The following PCDHGA8 variants were observed in gnomAD, a reference collection of about 807,000 sequenced individuals.
The protein encoded by PCDHGA8 is protocadherin gamma-A8.
Under a neutral mutation model 59.2 loss-of-function variants are expected in PCDHGA8, and 45 were observed. The ratio of observed to expected loss-of-function variants is 0.76; its 90% CI spans 0.60 to 0.98. The LOEUF is 0.98. Among genes scored for constraint, PCDHGA8 ranks in the 50% least tolerant of loss-of-function variants. The pLI is 0.00. For synonymous variants in PCDHGA8, 531 were observed against 519.0 expected (o/e 1.02, Z -0.32); for missense variants, 1,257 against 1,196.2 (o/e 1.05, Z -0.75).
In PCDHGA8 at chr5:141,400,505, C is replaced by T. The variant is rs759107285; in HGVS notation, c.2424+5268C>T. The stretch of plus-strand genomic sequence containing the variant: ...TTTCCACTTTGTAATTCCAGCGAGT[C>T]GACTTCCCATCCTGAGTTGGTGAGT... On this transcript the variant is annotated intron_variant, in intron 1 of 3. Transcript: ENST00000398604. 9 of 1,613,816 alleles carry T rather than the reference C, an allele frequency of 5.6e-6. No homozygotes were observed. In the African/African-American group the frequency reaches 6.7e-5, roughly 12 times the overall value.
chr5:141,507,578 C>T (rs1268451710), intron 3 of PCDHGA8, among the ~76,000 whole-genome samples: 1 of 152,220 alleles, frequency 6.6e-6, no homozygotes, highest in East Asian at 1.9e-4. Context: ...GAGGAGATGC[C>T]AAGTTGGCCT....
intron 2 of PCDHGA8, among the ~76,000 whole-genome samples, chr5:141,500,184 T>TTTTTTTTA (rs1554186429): frequency 7.8e-4 from 106 of 135,966 alleles, no homozygotes; most frequent in African/African-American, 2.4e-3. Context: ...TCATTTTTAT[T>TTTTTTTTA]TTTATTTATT....
At chr5:141,403,579 C>T in intron 1 of PCDHGA8, 2 of 1,613,926 alleles carry the variant, frequency 1.2e-6, no homozygotes, top group South Asian at 1.1e-5. Flanking sequence ...CTGCCCACCA[C>T]CTGGTCCTCA....
rs748605515 is a variant in PCDHGA8 at position 141,486,688 on chromosome 5, C to T, written c.2425-8119C>T. ...CCAGGAATCGAGATGTATCAGCTTC[C>T]TCTTTCATCTCTCTGAACCCCCAGA... On this transcript the variant is annotated intron_variant, in intron 1 of 3. Transcript: ENST00000398604. The surrounding 1 kb of genome is among the most constrained non-coding windows in gnomAD (Gnocchi z 5.0). 2 of 1,614,170 alleles carry T rather than the reference C, an allele frequency of 1.2e-6. No individual in the cohort carries two copies. The highest frequency in any genetic ancestry group is 1.1e-5 in the South Asian group (1 of 91,086).
intron 1 of PCDHGA8, chr5:141,398,277 C>T: frequency 1.4e-6 from 2 of 1,407,866 alleles, no homozygotes; most frequent in Non-Finnish European, 1.9e-6. Flanking sequence ...TGGGGAACCT[C>T]GCCACGGACC....
intron 1 of PCDHGA8, among the ~76,000 whole-genome samples, chr5:141,473,942 GC>G (rs1443545533): frequency 1.3e-5 from 2 of 152,124 alleles, no homozygotes; most frequent in African/African-American, 4.8e-5. Context: ...AGTAGCTCAG[GC>G]CTGTAGTCCC....
chr5:141,483,946 T>C (rs374723616), intron 1 of PCDHGA8, among the ~76,000 whole-genome samples: 127 of 148,696 alleles, frequency 8.5e-4, no homozygotes, highest in Non-Finnish European at 1.5e-3. Flanking sequence ...ACGGTGTGAA[T>C]TGTGTTGTGT....
At position 141,508,670 on chromosome 5, in the gene PCDHGA8, C is replaced by A. The variant is rs184838473; in HGVS notation, c.2573-2277C>A. The stretch of plus-strand genomic sequence containing the variant: ...GGCCCTTCCTGTCATTCTGTCTCTG[C>A]CTCCCTTCTCCCTGCTTCTCCGTGT... On this transcript the variant is annotated intron_variant, in intron 3 of 3. Coordinates refer to ENST00000398604, the MANE Select transcript of PCDHGA8 (RefSeq NM_032088.2). Among the ~76,000 whole-genome samples the A allele has an allele frequency of 3.7e-3, 564 of 152,202 alleles. 5 individuals are homozygous for A. The highest frequency in any genetic ancestry group is 0.011 in the Admixed American group (164 of 15,294).
In PCDHGA8 at chr5:141,393,826, A is replaced by T. The variant is rs1182278213; in HGVS notation, c.1013A>T (p.Glu338Val). 6.2e-7 allele frequency: 1 copy of T among 1,613,988 alleles called. No homozygotes were observed. Among genetic ancestry groups the T allele is most frequent in the African/African-American group, 1.3e-5 (1 of 75,050 alleles). ...LGRTKLLISVEDVNDNRPEVI... is the reference protein window; with the variant it reads ...LGRTKLLISVVDVNDNRPEVI... Reference sequence around the variant, plus strand: ...AGGACCAAATTGCTCATTTCGGTGGAAGATGTAAATGACAATAGACCAGAA... The same window carrying T: ...AGGACCAAATTGCTCATTTCGGTGGTAGATGTAAATGACAATAGACCAGAA... Residue 338 changes from glutamate (E) to valine (V), a missense_variant, in exon 1 of 4, where the codon GAA becomes GTA. Glu to Val is a moderately radical substitution (Grantham distance 121). Coordinates refer to ENST00000398604, the MANE Select transcript of PCDHGA8 (RefSeq NM_032088.2).
chr5:141,419,419 C>A (rs767018815), intron 1 of PCDHGA8: 1 of 1,613,384 alleles, frequency 6.2e-7, no homozygotes. Context: ...AGCGCGCCTT[C>A]GACCACGAGC....
chr5:141,505,618 A>G, intron 3 of PCDHGA8, 137 bp downstream of exon 3: 6 of 1,496,136 alleles, frequency 4.0e-6, no homozygotes, highest in Non-Finnish European at 5.4e-6. Flanking sequence ...GAAAGGACCC[A>G]CAATTCCAAA....
intron 1 of PCDHGA8, chr5:141,420,334 T>C: frequency 7.1e-7 from 1 of 1,402,910 alleles, no homozygotes; most frequent in Non-Finnish European, 9.5e-7. Flanking sequence ...TATATTCCAA[T>C]ATAGTGGTAT....
In PCDHGA8 at chr5:141,432,921, A is replaced by G; in HGVS notation, c.2424+37684A>G. On this transcript the variant is annotated intron_variant, in intron 1 of 3. Transcript: ENST00000398604. The surrounding 1 kb of genome is among the most constrained non-coding windows in gnomAD (Gnocchi z 6.0). ...GCGCTCAGGCTGCGGCGCTGGCACAAGTCACGCCTGCTGCAGGCTTCAGGA... is the reference window on the plus strand; with the variant it reads ...GCGCTCAGGCTGCGGCGCTGGCACAGGTCACGCCTGCTGCAGGCTTCAGGA... 6.2e-7 allele frequency: 1 copy of G among 1,614,114 alleles called. No individual in the cohort carries two copies. The highest frequency in any genetic ancestry group is 1.7e-4 in the Middle Eastern group (1 of 6,060).
chr5:141,459,981 G>C (rs1023972964), intron 1 of PCDHGA8, among the ~76,000 whole-genome samples: 7 of 152,330 alleles, frequency 4.6e-5, no homozygotes, highest in Admixed American at 1.3e-4. Context: ...AGGAGGCTGA[G>C]ACAGGAGAAT....
At chr5:141,444,188 T>TTTTTTTTTTG (rs2098424052) in intron 1 of PCDHGA8, among the ~76,000 whole-genome samples, 1 of 129,374 alleles carries the variant, frequency 7.7e-6, no homozygotes, top group African/African-American at 3.1e-5. Flanking sequence ...TTTTTTTTTT[T>TTTTTTTTTTG]GAGATGGAGT....
chr5:141,415,336 C>T (rs746539261), intron 1 of PCDHGA8: 5 of 1,614,200 alleles, frequency 3.1e-6, no homozygotes, highest in South Asian at 2.2e-5. Flanking sequence ...GCACAGGCTG[C>T]GGCGCTGGCA....
At position 141,491,052 on chromosome 5, in the gene PCDHGA8, G is replaced by A. The variant is rs2099707642; in HGVS notation, c.2425-3755G>A. ...ATGCTGATGCAGGCCACAATGCGTG[G>A]CTCTCCTACTCACTGTTGCCACAGT... On this transcript the variant is annotated intron_variant, in intron 1 of 3. Transcript: ENST00000398604. The surrounding 1 kb of genome is among the most constrained non-coding windows in gnomAD (Gnocchi z 6.9). 3.1e-6 allele frequency: 5 copies of A among 1,614,038 alleles called. No individual in the cohort carries two copies. The highest frequency in any genetic ancestry group is 4.2e-6 in the Non-Finnish European group (5 of 1,180,032).
chr5:141,478,901 A>T (rs2099483520), intron 1 of PCDHGA8: 2 of 1,002,034 alleles, frequency 2.0e-6, no homozygotes, highest in African/African-American at 3.3e-5. Flanking sequence ...ATTAGGAATA[A>T]GCTGCTGGAT....
chr5:141,432,974 C>T lies in PCDHGA8; in HGVS notation c.2424+37737C>T. ...CGGCTTGACAGGAGCGCCGGCGTCG[C>T]ACTTTGTGGGCGTGGACGGGGTGCA... On this transcript the variant is annotated intron_variant, in intron 1 of 3. Coordinates refer to ENST00000398604, the MANE Select transcript of PCDHGA8 (RefSeq NM_032088.2). This position sits in a 1 kb window ranked among gnomAD's most constrained non-coding sequence, Gnocchi z 6.0. 6.2e-7 allele frequency: 1 copy of T among 1,614,204 alleles called. No individual in the cohort carries two copies. Among genetic ancestry groups the T allele is most frequent in the Non-Finnish European group, 8.5e-7 (1 of 1,180,030 alleles).
Sources: allele counts gnomAD v4.1 joint callset (sites outside exome capture counted in the v4.1 genomes callset), GRCh38; gene constraint gnomAD v4.1.1; non-coding constraint Gnocchi (gnomAD v3.1); transcripts MANE v1.5; gene names NCBI Gene and HGNC (gene_info 2026-07-23, HGNC 2026-07-21).